The following CSNK2A2IP variants were observed in gnomAD, a reference collection of about 807,000 sequenced individuals.
CSNK2A2IP encodes the protein casein kinase II subunit alpha'-interacting protein.
the CSNK2A2IP span, among the ~76,000 whole-genome samples, chr3:88,339,258 C>T: frequency 1.5e-5 from 2 of 134,768 alleles, no homozygotes. Flanking sequence ...ACTCCATCTT[C>T]ATGAGTTCAT....
chr3:88,347,197 T>A, the CSNK2A2IP span, among the ~76,000 whole-genome samples: 1 of 152,104 alleles, frequency 6.6e-6, no homozygotes, highest in Non-Finnish European at 1.5e-5. Context: ...AGTGGTTTCT[T>A]GTCTACTCCT....
At chr3:88,443,726 A>AATATCTTTG in the CSNK2A2IP span, among the ~76,000 whole-genome samples, 4 of 152,196 alleles carry the variant, frequency 2.6e-5, no homozygotes, top group Non-Finnish European at 4.4e-5. Flanking sequence ...CAAAGATGTC[A>AATATCTTTG]TTAATGTTAA....
the CSNK2A2IP span, among the ~76,000 whole-genome samples, chr3:88,414,917 T>C: frequency 6.6e-6 from 1 of 152,076 alleles, no homozygotes; most frequent in East Asian, 1.9e-4. Context: ...AACAGAAAAC[T>C]ATGAATTTAT....
At chr3:88,367,227 A>T in the CSNK2A2IP span, among the ~76,000 whole-genome samples, 2 of 152,122 alleles carry the variant, frequency 1.3e-5, no homozygotes, top group Non-Finnish European at 2.9e-5. Context: ...CACAAATAGA[A>T]AACGAAATAA....
chr3:88,350,300 T>C, the CSNK2A2IP span, among the ~76,000 whole-genome samples: 3 of 152,174 alleles, frequency 2.0e-5, no homozygotes, highest in Non-Finnish European at 4.4e-5. Flanking sequence ...AATTCAGTTT[T>C]AGTTTATACC....
the CSNK2A2IP span, among the ~76,000 whole-genome samples, chr3:88,339,177 T>C: frequency 2.0e-5 from 3 of 152,084 alleles, no homozygotes; most frequent in African/African-American, 7.2e-5. Context: ...TGTATTTTCA[T>C]ACCCATTAAC....
the CSNK2A2IP span, chr3:88,343,278 T>C: frequency 0.4 from 61,107 of 152,152 alleles, 14,527 homozygotes; most frequent in South Asian, 0.6. Context: ...TGACAAGTGA[T>C]GAGCTTGGTA....
chr3:88,346,256 A>AGCAGCAAGTGCCAATGGAGAAGCT, the CSNK2A2IP span, among the ~76,000 whole-genome samples: 3 of 152,062 alleles, frequency 2.0e-5, no homozygotes, highest in Admixed American at 6.6e-5. Context: ...TGCAAGGCTA[A>AGCAGCAAGTGCCAATGGAGAAGCT]GCAGCAAGTG....
At chr3:88,344,749 A>G in the CSNK2A2IP span, among the ~76,000 whole-genome samples, 2 of 151,994 alleles carry the variant, frequency 1.3e-5, no homozygotes, top group Non-Finnish European at 2.9e-5. Flanking sequence ...ATAAAGGGAC[A>G]GATATCACTA....
At chr3:88,349,412 C>T in the CSNK2A2IP span, among the ~76,000 whole-genome samples, 640 of 152,154 alleles carry the variant, frequency 4.2e-3, 5 homozygotes, top group African/African-American at 0.014. Flanking sequence ...TGATTTACTT[C>T]GCTTAGAATA....
the CSNK2A2IP span, among the ~76,000 whole-genome samples, chr3:88,450,295 GT>G: frequency 6.6e-6 from 1 of 152,072 alleles, no homozygotes; most frequent in Non-Finnish European, 1.5e-5. Context: ...ATCTCACATA[GT>G]TACTTTTTTT....
chr3:88,348,471 A>G, the CSNK2A2IP span, among the ~76,000 whole-genome samples: 6 of 152,084 alleles, frequency 3.9e-5, no homozygotes, highest in Non-Finnish European at 5.9e-5. Context: ...GGTAATCCAG[A>G]AGACACTATA....
At chr3:88,340,938 T>C in the CSNK2A2IP span, among the ~76,000 whole-genome samples, 1 of 151,968 alleles carries the variant, frequency 6.6e-6, no homozygotes, top group African/African-American at 2.4e-5. Flanking sequence ...AGAATCAATG[T>C]TTGTGTTCCA....
At chr3:88,447,920 T>A in the CSNK2A2IP span, among the ~76,000 whole-genome samples, 9 of 152,228 alleles carry the variant, frequency 5.9e-5, no homozygotes, top group Non-Finnish European at 1.0e-4. Flanking sequence ...TGGTATTTTC[T>A]TAATTAAGTA....
chr3:88,449,868 T>TAG, the CSNK2A2IP span, among the ~76,000 whole-genome samples: 326 of 74,194 alleles, frequency 4.4e-3, 9 homozygotes, highest in South Asian at 6.4e-3. Flanking sequence ...TATATATATA[T>TAG]ATATATAGAG....
At chr3:88,362,306 C>G in the CSNK2A2IP span, among the ~76,000 whole-genome samples, 1 of 152,164 alleles carries the variant, frequency 6.6e-6, no homozygotes, top group African/African-American at 2.4e-5. Flanking sequence ...CTCACTGCAG[C>G]TTTTTCATCA....
At chr3:88,439,832 A>C in the CSNK2A2IP span, among the ~76,000 whole-genome samples, 2 of 151,962 alleles carry the variant, frequency 1.3e-5, no homozygotes, top group Non-Finnish European at 1.5e-5. Flanking sequence ...TGTTTTGAGG[A>C]GACGAGGAGA....
At chr3:88,353,610 G>C in the CSNK2A2IP span, among the ~76,000 whole-genome samples, 1 of 152,070 alleles carries the variant, frequency 6.6e-6, no homozygotes, top group Non-Finnish European at 1.5e-5. Flanking sequence ...GGGTTTTATT[G>C]GATCTTAACT....
chr3:88,466,184 C>T, the CSNK2A2IP span: 9 of 1,231,514 alleles, frequency 7.3e-6, no homozygotes, highest in Admixed American at 4.2e-5. Flanking sequence ...TTACTTGACT[C>T]TAGGCTTCAG....
Sources: gnomAD v4.1 joint callset for allele counts (sites outside exome capture counted in the v4.1 genomes callset) on GRCh38, gnomAD v4.1.1 for gene constraint, MANE v1.5 for transcripts, NCBI Gene and HGNC (gene_info 2026-07-23, HGNC 2026-07-21) for gene names.